The following SLC25A21 variants were observed in gnomAD, a reference collection of about 807,000 sequenced individuals.
The protein encoded by SLC25A21 is mitochondrial 2-oxodicarboxylate carrier.
A neutral mutation model predicts 43.8 loss-of-function variants in SLC25A21; 47 were observed. The ratio of observed to expected loss-of-function variants is 1.07; its 90% confidence interval spans 0.85 to 1.37. The LOEUF is 1.37. SLC25A21 is among the 40% of genes most tolerant of loss of function. The pLI, the probability that SLC25A21 is intolerant of heterozygous loss-of-function variation, is 0.00. For synonymous variants in SLC25A21, 131 were observed against 121.3 expected (o/e 1.08, Z -0.52); for missense variants, 352 against 350.2 (o/e 1.00, Z -0.04).
At chr14:37,011,411 A>G (rs1480959574) in intron 1 of SLC25A21, among the ~76,000 whole-genome samples, 1 of 151,932 alleles carries the variant, frequency 6.6e-6, no homozygotes, top group African/African-American at 2.4e-5. Context: ...AATAAAAGTA[A>G]TAAAGATTTA....
At chr14:36,751,494 AC>A (rs1422489078) in intron 3 of SLC25A21, among the ~76,000 whole-genome samples, 1 of 152,186 alleles carries the variant, frequency 6.6e-6, no homozygotes, top group African/African-American at 2.4e-5. Context: ...TAAATTGATT[AC>A]TAACTTGAAG....
chr14:36,887,035 G>C (rs1890936772), intron 1 of SLC25A21, among the ~76,000 whole-genome samples: 1 of 151,992 alleles, frequency 6.6e-6, no homozygotes, highest in Admixed American at 6.6e-5. Context: ...AAATTCTTTT[G>C]AGTATATAAA....
intron 1 of SLC25A21, among the ~76,000 whole-genome samples, chr14:36,994,956 A>G (rs771917940): frequency 7.2e-5 from 11 of 152,176 alleles, no homozygotes; most frequent in Non-Finnish European, 1.2e-4. Context: ...AATTCAATAG[A>G]ACTAATTATG....
intron 1 of SLC25A21, among the ~76,000 whole-genome samples, chr14:36,956,683 T>C (rs1259996005): frequency 1.3e-5 from 2 of 152,226 alleles, no homozygotes; most frequent in East Asian, 3.9e-4. Context: ...TATCAATATT[T>C]ATCAGTTCCT....
At chr14:37,110,338 C>T (rs1050506960) in intron 1 of SLC25A21, among the ~76,000 whole-genome samples, 3 of 152,162 alleles carry the variant, frequency 2.0e-5, no homozygotes, top group African/African-American at 7.2e-5. Context: ...ATGAAGGCAA[C>T]TTTCACATTT....
At chr14:36,810,218 A>T (rs904906345) in intron 3 of SLC25A21, among the ~76,000 whole-genome samples, 2 of 152,202 alleles carry the variant, frequency 1.3e-5, no homozygotes, top group South Asian at 2.1e-4. Context: ...TACATACAGT[A>T]TAGAAAAAGG....
chr14:36,892,483 G>A (rs865792403), intron 1 of SLC25A21, among the ~76,000 whole-genome samples: 1 of 151,886 alleles, frequency 6.6e-6, no homozygotes, highest in Non-Finnish European at 1.5e-5. Flanking sequence ...CAACATGGAT[G>A]GTCTTAGAAG....
chr14:36,844,030 A>C (rs1288336978), intron 2 of SLC25A21, among the ~76,000 whole-genome samples: 2 of 152,172 alleles, frequency 1.3e-5, no homozygotes, highest in African/African-American at 4.8e-5. Flanking sequence ...TGTGTGTTGA[A>C]AGATAAAAAA....
chr14:36,745,858 C>T (rs1885475013), intron 3 of SLC25A21, among the ~76,000 whole-genome samples: 1 of 152,020 alleles, frequency 6.6e-6, no homozygotes, highest in Non-Finnish European at 1.5e-5. Flanking sequence ...AAAACATGCT[C>T]AACATCACTA....
At chr14:37,172,181 G>A (rs768625220) in intron 1 of SLC25A21, 100 bp downstream of exon 1, 124 of 1,234,444 alleles carry the variant, frequency 1.0e-4, no homozygotes, top group Non-Finnish European at 1.3e-4. Flanking sequence ...TTGAGGAAGA[G>A]GGCAGAACTT....
At chr14:37,054,516 A>C (rs1413290306) in intron 1 of SLC25A21, among the ~76,000 whole-genome samples, 4 of 152,212 alleles carry the variant, frequency 2.6e-5, no homozygotes, top group Non-Finnish European at 5.9e-5. Context: ...AGAAACCTAA[A>C]ACATGTGGCA....
At position 36,979,187 on chromosome 14, in the gene SLC25A21, C is replaced by T. The variant is rs111557854; in HGVS notation, c.71-104183G>A. Reference sequence around the variant, plus strand: ...TCAAGAAATTTCCTGGTCCTTTGAGCTACTCAAACGAACTAGAAAATGGGG... The same window carrying T: ...TCAAGAAATTTCCTGGTCCTTTGAGTTACTCAAACGAACTAGAAAATGGGG... On this transcript the variant is annotated intron_variant, in intron 1 of 9. Coordinates refer to ENST00000331299, the MANE Select transcript of SLC25A21 (RefSeq NM_030631.4). Among the ~76,000 whole-genome samples, 379 of 152,254 alleles carry T rather than the reference C, an allele frequency of 2.5e-3. 1 individual carries two copies. Among genetic ancestry groups the T allele is most frequent in the African/African-American group, 8.5e-3 (353 of 41,552 alleles).
intron 1 of SLC25A21, among the ~76,000 whole-genome samples, chr14:37,128,538 C>CTCCCTGTG (rs1555348857): frequency 8.1e-6 from 1 of 122,706 alleles, no homozygotes; most frequent in Non-Finnish European, 1.6e-5. Context: ...CTCTCTCTCT[C>CTCCCTGTG]TGTGTGTGTG....
chr14:36,926,055 A>G (rs1330753124), intron 1 of SLC25A21, among the ~76,000 whole-genome samples: 1 of 152,154 alleles, frequency 6.6e-6, no homozygotes, highest in Non-Finnish European at 1.5e-5. Context: ...CAGAATACAC[A>G]TTCTTTTCAA....
At chr14:36,685,934 G>A (rs923724122) in intron 7 of SLC25A21, among the ~76,000 whole-genome samples, 3 of 151,960 alleles carry the variant, frequency 2.0e-5, no homozygotes, top group East Asian at 1.9e-4. Flanking sequence ...TGCTGACTCC[G>A]ACCCCCCACC....
intron 1 of SLC25A21, among the ~76,000 whole-genome samples, chr14:37,081,695 G>C (rs901219807): frequency 6.6e-6 from 1 of 152,056 alleles, no homozygotes; most frequent in Non-Finnish European, 1.5e-5. Context: ...TAAAATATTT[G>C]GATATTCTCT....
chr14:36,992,715 G>A (rs932105481), intron 1 of SLC25A21, among the ~76,000 whole-genome samples: 1 of 152,056 alleles, frequency 6.6e-6, no homozygotes, highest in Non-Finnish European at 1.5e-5. Flanking sequence ...ATAGATTTAA[G>A]GCAGTAATTT....
chr14:36,865,255 C>G (rs1428259497), intron 2 of SLC25A21, among the ~76,000 whole-genome samples: 1 of 152,058 alleles, frequency 6.6e-6, no homozygotes, highest in Non-Finnish European at 1.5e-5. Context: ...TCTCACCATA[C>G]CCCATCCTCA....
intron 2 of SLC25A21, among the ~76,000 whole-genome samples, chr14:36,825,095 G>A (rs780235713): frequency 3.9e-5 from 6 of 152,204 alleles, no homozygotes; most frequent in Non-Finnish European, 8.8e-5. Flanking sequence ...TAACTGCATC[G>A]ATACATTCTG....
Sources: gnomAD v4.1 joint callset for allele counts (sites outside exome capture counted in the v4.1 genomes callset) on GRCh38, gnomAD v4.1.1 for gene constraint, MANE v1.5 for transcripts, NCBI Gene and HGNC (gene_info 2026-07-23, HGNC 2026-07-21) for gene names.